Variants in ADAMTS19 observed in about 807,000 individuals in gnomAD.
ADAMTS19 encodes the protein A disintegrin and metalloproteinase with thrombospondin motifs 19.
ADAMTS19 carries 93 observed loss-of-function variants against 153.3 expected under a neutral mutation model. The ratio of observed to expected loss-of-function variants is 0.61; its 90% CI spans 0.51 to 0.72. ADAMTS19 has a LOEUF of 0.72. ADAMTS19 is among the 30% of genes least tolerant of loss of function. The probability of loss-of-function intolerance (pLI) is 0.00; values close to 1 mark genes in which losing one functional copy is unlikely to be tolerated. For missense variants in ADAMTS19, 1,482 were observed against 1,552.1 expected (o/e 0.95, Z 0.76); for synonymous variants, 600 against 556.6 (o/e 1.08, Z -1.10).
chr5:129,615,322 T>C (rs1472033076), intron 8 of ADAMTS19, among the ~76,000 whole-genome samples: 1 of 151,998 alleles, frequency 6.6e-6, no homozygotes, highest in Non-Finnish European at 1.5e-5. Context: ...CAGATTGATA[T>C]CAGTTTACAG....
At chr5:129,540,828 T>G (rs919719364) in intron 6 of ADAMTS19, among the ~76,000 whole-genome samples, 3 of 152,072 alleles carry the variant, frequency 2.0e-5, no homozygotes, top group Admixed American at 1.3e-4. Flanking sequence ...TTTATTGGCC[T>G]TCCCAGTTGC....
intron 21 of ADAMTS19, 81 bp from the exon 22 acceptor site, chr5:129,734,851 A>G: frequency 8.2e-7 from 1 of 1,222,996 alleles, no homozygotes; most frequent in East Asian, 2.7e-5. Context: ...ACATTTAGAG[A>G]ATGTTCCCAC....
chr5:129,674,518 T>C (rs1432306358), intron 16 of ADAMTS19, among the ~76,000 whole-genome samples: 1 of 152,152 alleles, frequency 6.6e-6, no homozygotes, highest in East Asian at 1.9e-4. Context: ...CTTTTTACTA[T>C]TCCAGTGTCT....
Position 129,702,951 on chromosome 5 carries a change from T to A in ADAMTS19, c.3160-1288T>A, listed in dbSNP as rs1390032962. Among the ~76,000 whole-genome samples, 1,111 of 116,408 alleles carry A rather than the reference T, an allele frequency of 9.5e-3. 42 individuals are homozygous for A. Among genetic ancestry groups the A allele is most frequent in the African/African-American group, 0.036 (894 of 24,690 alleles). The allele number at this position is 116,408 out of a possible 152,430, so 76.4% of individuals were successfully genotyped here. ...TGCCAAAAAAAAAAAAATATATATA[T>A]ATATATATATATATATATATACAAA... On this transcript the variant is annotated intron_variant, in intron 20 of 22. Coordinates refer to ENST00000274487, the MANE Select transcript of ADAMTS19 (RefSeq NM_133638.6).
intron 8 of ADAMTS19, among the ~76,000 whole-genome samples, chr5:129,607,542 G>A (rs1705823680): frequency 6.6e-6 from 1 of 152,140 alleles, no homozygotes; most frequent in African/African-American, 2.4e-5. Flanking sequence ...GTCAAGGAAT[G>A]CAATTGTCTT....
chr5:129,682,647 C>G (rs952892844), intron 17 of ADAMTS19, among the ~76,000 whole-genome samples: 1 of 151,928 alleles, frequency 6.6e-6, no homozygotes, highest in African/African-American at 2.4e-5. Flanking sequence ...TTTAAAAACC[C>G]ATTTAAACTG....
At chr5:129,474,232 G>A (rs369285902) in intron 2 of ADAMTS19, among the ~76,000 whole-genome samples, 6 of 151,950 alleles carry the variant, frequency 3.9e-5, no homozygotes, top group African/African-American at 1.5e-4. Flanking sequence ...CGTATCAGTA[G>A]TTCATTCTTT....
chr5:129,619,059 A>C (rs1254043963), intron 8 of ADAMTS19, among the ~76,000 whole-genome samples: 1 of 152,066 alleles, frequency 6.6e-6, no homozygotes, highest in Non-Finnish European at 1.5e-5. Flanking sequence ...AGATAGTACA[A>C]ATGGGTGAGG....
At chr5:129,696,087 C>T (rs143301038) in intron 19 of ADAMTS19, among the ~76,000 whole-genome samples, 9 of 152,172 alleles carry the variant, frequency 5.9e-5, no homozygotes, top group Admixed American at 1.3e-4. Context: ...GTCATGCAGA[C>T]GAATGGTTAG....
At chr5:129,723,577 G>C (rs1757090956) in intron 21 of ADAMTS19, among the ~76,000 whole-genome samples, 1 of 152,128 alleles carries the variant, frequency 6.6e-6, no homozygotes, top group African/African-American at 2.4e-5. Context: ...CATGTTTAGT[G>C]TTTGACATGT....
At chr5:129,690,242 C>G (rs985558803) in intron 18 of ADAMTS19, among the ~76,000 whole-genome samples, 4 of 152,174 alleles carry the variant, frequency 2.6e-5, no homozygotes, top group African/African-American at 9.7e-5. Context: ...ATATAGAAAG[C>G]CTTCCAAGGA....
intron 15 of ADAMTS19, among the ~76,000 whole-genome samples, chr5:129,661,149 C>T (rs1194277683): frequency 6.6e-6 from 1 of 152,130 alleles, no homozygotes; most frequent in Non-Finnish European, 1.5e-5. Flanking sequence ...ATGTTTACCA[C>T]ATCTGTATCC....
At chr5:129,709,631 C>CA (rs1179412242) in intron 21 of ADAMTS19, among the ~76,000 whole-genome samples, 4 of 136,896 alleles carry the variant, frequency 2.9e-5, no homozygotes, top group Admixed American at 1.6e-4. Flanking sequence ...TCTCCTGTTG[C>CA]ATAATTATTA....
intron 20 of ADAMTS19, among the ~76,000 whole-genome samples, chr5:129,702,339 A>G (rs1009294230): frequency 1.3e-5 from 2 of 152,232 alleles, no homozygotes; most frequent in African/African-American, 4.8e-5. Flanking sequence ...TCATATAAAC[A>G]TACTTATATA....
chr5:129,614,502 C>T (rs531847944), intron 8 of ADAMTS19, among the ~76,000 whole-genome samples: 1 of 152,082 alleles, frequency 6.6e-6, no homozygotes, highest in South Asian at 2.1e-4. Flanking sequence ...ATGCTAAAAA[C>T]TCTCAATAAA....
chr5:129,503,299 G>C (rs1015835841), intron 2 of ADAMTS19, among the ~76,000 whole-genome samples: 3 of 152,038 alleles, frequency 2.0e-5, no homozygotes. Flanking sequence ...AAGACAATAG[G>C]ATAGATATGG....
At chr5:129,492,938 T>C (rs1338963062) in intron 2 of ADAMTS19, among the ~76,000 whole-genome samples, 8 of 152,194 alleles carry the variant, frequency 5.3e-5, no homozygotes, top group Admixed American at 5.2e-4. Context: ...CACTATATAG[T>C]TGCTGCTTTA....
chr5:129,610,594 C>G (rs972502595), intron 8 of ADAMTS19, among the ~76,000 whole-genome samples: 4 of 152,000 alleles, frequency 2.6e-5, no homozygotes, highest in African/African-American at 9.7e-5. Context: ...TCAGCTTCAC[C>G]CATGTCCCCA....
chr5:129,614,125 C>T (rs1442665299), intron 8 of ADAMTS19, among the ~76,000 whole-genome samples: 1 of 152,132 alleles, frequency 6.6e-6, no homozygotes, highest in Non-Finnish European at 1.5e-5. Context: ...GAGCTGGTAC[C>T]ATTCCTTCTG....
Sources: allele counts gnomAD v4.1 joint callset (sites outside exome capture counted in the v4.1 genomes callset), GRCh38; gene constraint gnomAD v4.1.1; transcripts MANE v1.5; gene names NCBI Gene and HGNC (gene_info 2026-07-23, HGNC 2026-07-21).